Variants in UBAP2 observed in about 807,000 individuals in gnomAD.
UBAP2 encodes ubiquitin-associated protein 2.
Under a neutral mutation model 139.6 loss-of-function variants are expected in UBAP2, and 75 were observed. The ratio of observed to expected loss-of-function variants is 0.54; its 90% CI spans 0.45 to 0.65. UBAP2 has a LOEUF of 0.65. Ranked by LOEUF, UBAP2 falls within the 30% of genes least tolerant of loss-of-function variation. The probability of loss-of-function intolerance (pLI) is 0.00; values close to 1 mark genes in which losing one functional copy is unlikely to be tolerated. For missense variants in UBAP2, 1,368 were observed against 1,369.6 expected, an observed-to-expected ratio of 1.00 and a Z score of 0.02; for synonymous variants, 526 against 526.2, an observed-to-expected ratio of 1.00 and a Z score of 0.01.
chr9:33,922,665 C>T, intron 28 of UBAP2, 22 bp downstream of exon 28: 3 of 1,576,376 alleles, frequency 1.9e-6, no homozygotes, highest in Non-Finnish European at 2.6e-6. Flanking sequence ...AGTAGGGTGG[C>T]TGCCTCCATC....
At position 33,945,508 on chromosome 9, in the gene UBAP2, A is replaced by ACAAG. The variant is rs397715137; in HGVS notation, c.1271-870_1271-869insCTTG. Among the ~76,000 whole-genome samples, 3 of 149,654 alleles carry ACAAG rather than the reference A, an allele frequency of 2.0e-5. No homozygotes were observed. The East Asian group carries it at 5.9e-4, about 30-fold the overall frequency. ...GACTGGGTGACAAACAAACAAACAA[A>ACAAG]AAACAAAATCCAATAGATACAAGAA... On this transcript the variant is annotated intron_variant, in intron 13 of 28. Transcript: ENST00000379238.
In UBAP2 at chr9:34,040,323, C is replaced by CAAAA. The variant is rs56317641; in HGVS notation, c.-42+8498_-42+8501dup. Among the ~76,000 whole-genome samples the CAAAA allele has an allele frequency of 2.1e-3, 183 of 88,848 alleles. 1 individual carries two copies. Among genetic ancestry groups the CAAAA allele is most frequent in the Non-Finnish European group, 2.3e-3 (113 of 48,304 alleles). The allele number at this position is 88,848 out of a possible 152,430, so 58.3% of individuals were successfully genotyped here. A position where few individuals can be genotyped will look rare whatever the true frequency, so the allele number is the denominator to read the frequency against. The stretch of plus-strand genomic sequence containing the variant: ...TGGGTGACAGAATGAGACTCTGTCT[C>CAAAA]AAAAAAAAAAAAAAAAAAAAAAAAG... On this transcript the variant is annotated intron_variant, in intron 1 of 28. Transcript: ENST00000379238.
At chr9:34,044,090 CAAAAAAA>C (rs74180528) in intron 1 of UBAP2, among the ~76,000 whole-genome samples, 21 of 85,196 alleles carry the variant, frequency 2.5e-4, no homozygotes, top group Non-Finnish European at 3.9e-4. Context: ...AACTCCACCT[CAAAAAAA>C]AAAAAAAAAA....
chr9:33,976,911 C>T (rs1414955491), intron 6 of UBAP2, among the ~76,000 whole-genome samples: 1 of 151,710 alleles, frequency 6.6e-6, no homozygotes, highest in African/African-American at 2.4e-5. Context: ...ATTAGGGAGG[C>T]TGAGGCAGGA....
At chr9:33,939,682 G>A (rs1824918895) in intron 16 of UBAP2, among the ~76,000 whole-genome samples, 1 of 139,592 alleles carries the variant, frequency 7.2e-6, no homozygotes, top group African/African-American at 2.7e-5. Flanking sequence ...TCACACCACT[G>A]CACTTCAGTG....
rs73492956 is a variant in UBAP2, at chr9:33,921,909, G to C, written c.*595C>G. 0.06 allele frequency: 9,167 copies of C among 152,102 alleles called. 628 individuals carry two copies. Among genetic ancestry groups the C allele is most frequent in the African/African-American group, 0.17 (6,973 of 41,328 alleles). 9.4% of individuals were successfully genotyped at this position (152,102 alleles called of 1,614,324 possible). The stretch of plus-strand genomic sequence containing the variant: ...CTCTAGGGACATGACCAGACCAGAA[G>C]CCCCTGTTCTATATGAAGACAAACA... On this transcript the variant is annotated 3_prime_UTR_variant, in exon 29 of 29. Coordinates refer to ENST00000379238, the MANE Select transcript of UBAP2 (RefSeq NM_001370062.2).
intron 6 of UBAP2, among the ~76,000 whole-genome samples, chr9:33,974,759 C>G (rs1248852541): frequency 6.6e-6 from 1 of 151,898 alleles, no homozygotes; most frequent in Admixed American, 6.6e-5. Flanking sequence ...CAAAACCAAC[C>G]TGGCCAACGT....
In UBAP2 at chr9:33,928,066, G is replaced by A. The variant is rs548784115; in HGVS notation, c.2176-74C>T. ...GGTGCTGGGGAGAGCCTGGCCTGGC[G>A]CTTGGGCCCAAGTCTCAAGGCTGAG... On this transcript the variant is annotated intron_variant, in intron 19 of 28. Coordinates refer to ENST00000379238, the MANE Select transcript of UBAP2 (RefSeq NM_001370062.2). The A allele has an allele frequency of 1.8e-4, 270 of 1,474,362 alleles. 1 individual carries two copies. In the East Asian group the frequency reaches 3.5e-3, roughly 19 times the overall value. The allele number at this position is 1,474,362 out of a possible 1,614,324, so 91.3% of individuals were successfully genotyped here.
At chr9:34,006,362 C>T (rs1403434583) in intron 2 of UBAP2, among the ~76,000 whole-genome samples, 1 of 151,804 alleles carries the variant, frequency 6.6e-6, no homozygotes, top group Non-Finnish European at 1.5e-5. Flanking sequence ...TTGTCAAGAG[C>T]AATGCTTTGC....
intron 13 of UBAP2, among the ~76,000 whole-genome samples, chr9:33,945,071 A>G (rs1272122818): frequency 6.6e-6 from 1 of 152,060 alleles, no homozygotes; most frequent in Non-Finnish European, 1.5e-5. Flanking sequence ...ACAAGGCTGC[A>G]GTGAGCTATG....
At chr9:33,939,887 A>G (rs1460117644) in intron 16 of UBAP2, among the ~76,000 whole-genome samples, 1 of 7,192 alleles carries the variant, frequency 1.4e-4, no homozygotes, top group African/African-American at 6.0e-4. Flanking sequence ...GAGGAGGAGG[A>G]GGAGGGGAGG....
intron 18 of UBAP2, 137 bp from the exon 19 acceptor site, chr9:33,932,765 C>T (rs1824104865): frequency 1.1e-6 from 1 of 881,468 alleles, no homozygotes; most frequent in African/African-American, 1.7e-5. Flanking sequence ...CATCCTCATT[C>T]CTTATCCCCA....
At chr9:33,975,293 G>A (rs1341158892) in intron 6 of UBAP2, among the ~76,000 whole-genome samples, 6 of 151,756 alleles carry the variant, frequency 4.0e-5, no homozygotes, top group Non-Finnish European at 5.9e-5. Context: ...TTAGCCAGGC[G>A]TGGTGGCGCG....
chr9:34,009,871 G>A (rs985886680), intron 2 of UBAP2, among the ~76,000 whole-genome samples: 3 of 150,282 alleles, frequency 2.0e-5, no homozygotes, highest in African/African-American at 4.9e-5. Flanking sequence ...ACAATGGTGG[G>A]ATCTCTGCTC....
intron 11 of UBAP2, among the ~76,000 whole-genome samples, chr9:33,955,759 G>A (rs978282019): frequency 6.6e-5 from 10 of 151,838 alleles, no homozygotes; most frequent in South Asian, 2.1e-4. Context: ...CCCGAGAGGC[G>A]GAGGTTGCAG....
At chr9:33,941,072 GTTTC>G (rs1458822382) in intron 16 of UBAP2, among the ~76,000 whole-genome samples, 2 of 152,120 alleles carry the variant, frequency 1.3e-5, no homozygotes, top group African/African-American at 2.4e-5. Flanking sequence ...TCTTTTTTAA[GTTTC>G]TTTCTAAGAT....
At chr9:33,942,612 C>A (rs912692511) in intron 15 of UBAP2, among the ~76,000 whole-genome samples, 1 of 151,768 alleles carries the variant, frequency 6.6e-6, no homozygotes, top group Non-Finnish European at 1.5e-5. Context: ...CGCCTGTAAT[C>A]CCAGATACTC....
intron 1 of UBAP2, among the ~76,000 whole-genome samples, chr9:34,037,178 C>T (rs914034867): frequency 4.6e-5 from 7 of 151,906 alleles, no homozygotes; most frequent in Non-Finnish European, 8.8e-5. Context: ...TTAATAGAGA[C>T]GGGGTTTCAC....
chr9:33,944,618 G>A lies in UBAP2; in HGVS notation c.1292C>T (p.Pro431Leu). Residue 431 changes from proline to leucine, a missense_variant, in exon 14 of 29, where the codon CCA becomes CTA. By Grantham distance (98) the Pro-to-Leu change is moderately conservative (BLOSUM62 -3). Transcript: ENST00000379238. ...GCTCAACTGGCTAAGAACTGGGGAT[G>A]GCTCAGGTTGAGATTTGAAGTCTAA... The part of the protein sequence containing the change: ...SHLDFKSQPE[P>L]SPVLSQLSQR... The A allele has an allele frequency of 1.2e-6, 2 of 1,613,660 alleles. No homozygotes were observed. The highest frequency in any genetic ancestry group is 8.5e-7 in the Non-Finnish European group (1 of 1,179,618).
Sources: allele counts gnomAD v4.1 joint callset (sites outside exome capture counted in the v4.1 genomes callset), GRCh38; gene constraint gnomAD v4.1.1; transcripts MANE v1.5; gene names NCBI Gene and HGNC (gene_info 2026-07-23, HGNC 2026-07-21).